Variants in DNM3 observed in about 807,000 individuals in gnomAD.
DNM3 encodes the protein dynamin-3.
In DNM3, 47 loss-of-function variants were observed where a neutral mutation model predicts 101.6. That is an observed-to-expected ratio of 0.46 (90% CI 0.37 to 0.59). DNM3 has a LOEUF of 0.59. Ranked by LOEUF, DNM3 falls within the 20% of genes least tolerant of loss-of-function variation. The pLI, the probability that DNM3 is intolerant of heterozygous loss-of-function variation, is 0.00. For missense variants in DNM3, 849 were observed against 1,085.7 expected, an observed-to-expected ratio of 0.78 and a Z score of 3.06; for synonymous variants, 385 against 387.9, an observed-to-expected ratio of 0.99 and a Z score of 0.09.
intron 1 of DNM3, among the ~76,000 whole-genome samples, chr1:171,845,673 T>C (rs937530646): frequency 2.6e-5 from 4 of 152,252 alleles, no homozygotes; most frequent in Non-Finnish European, 5.9e-5. Flanking sequence ...AGAAGCAACA[T>C]TTATTAAAAG....
chr1:172,399,329 C>A (rs952169441), intron 20 of DNM3, among the ~76,000 whole-genome samples: 3 of 152,170 alleles, frequency 2.0e-5, no homozygotes, highest in Non-Finnish European at 2.9e-5. Context: ...GTTTCAAATT[C>A]TTGAGCCAGT....
intron 15 of DNM3, among the ~76,000 whole-genome samples, chr1:172,272,738 A>G (rs1011296066): frequency 6.6e-6 from 1 of 152,164 alleles, no homozygotes; most frequent in African/African-American, 2.4e-5. Context: ...GGCAGCAACT[A>G]AATATTTAAT....
intron 20 of DNM3, among the ~76,000 whole-genome samples, chr1:172,397,777 T>C (rs1364225628): frequency 2.0e-5 from 3 of 152,150 alleles, no homozygotes; most frequent in Non-Finnish European, 4.4e-5. Flanking sequence ...TATTTTCCTC[T>C]TCTAACTTAG....
At chr1:172,118,982 C>G (rs557232972) in intron 13 of DNM3, among the ~76,000 whole-genome samples, 51 of 151,694 alleles carry the variant, frequency 3.4e-4, no homozygotes, top group Admixed American at 7.9e-4. Flanking sequence ...TGATGTCATA[C>G]TAGTTGTTAA....
chr1:172,391,595 A>G (rs916240528), intron 20 of DNM3, among the ~76,000 whole-genome samples: 3 of 152,170 alleles, frequency 2.0e-5, no homozygotes, highest in African/African-American at 7.2e-5. Flanking sequence ...TGTTTAATAT[A>G]TTCTATTTCC....
At chr1:172,096,972 G>A (rs942362323) in intron 13 of DNM3, among the ~76,000 whole-genome samples, 5 of 152,144 alleles carry the variant, frequency 3.3e-5, no homozygotes, top group African/African-American at 1.2e-4. Flanking sequence ...AATATATTCA[G>A]AGGGTAGAAT....
At chr1:171,907,144 G>A (rs1196989239) in intron 1 of DNM3, among the ~76,000 whole-genome samples, 1 of 152,148 alleles carries the variant, frequency 6.6e-6, no homozygotes, top group Non-Finnish European at 1.5e-5. Context: ...TGTTTTCCCT[G>A]CTTCTCTCTT....
chr1:172,295,035 A>G (rs949798552), intron 15 of DNM3, among the ~76,000 whole-genome samples: 5 of 152,196 alleles, frequency 3.3e-5, no homozygotes, highest in Non-Finnish European at 5.9e-5. Context: ...GACACAGAAA[A>G]GTAGAGATGT....
At chr1:172,231,750 G>A (rs1038892501) in intron 14 of DNM3, among the ~76,000 whole-genome samples, 8 of 152,228 alleles carry the variant, frequency 5.3e-5, no homozygotes, top group Non-Finnish European at 1.2e-4. Context: ...GTCCTTAAAA[G>A]ACTTGATGGA....
intron 17 of DNM3, among the ~76,000 whole-genome samples, chr1:172,372,674 A>ATTTTTT (rs71107346): frequency 1.3e-5 from 1 of 79,006 alleles, no homozygotes; most frequent in African/African-American, 3.9e-5. Context: ...CTTGTAATTA[A>ATTTTTT]TTTTTTTTTT....
Position 172,314,628 on chromosome 1 carries a change from G to A in DNM3, c.1881+5789G>A, listed in dbSNP as rs143024120. Among the ~76,000 whole-genome samples the A allele has an allele frequency of 4.9e-3, 742 of 152,290 alleles. 4 individuals carry two copies. Among genetic ancestry groups the A allele is most frequent in the African/African-American group, 0.017 (696 of 41,544 alleles). On this transcript the variant is annotated intron_variant, in intron 16 of 20. Coordinates refer to ENST00000627582, the MANE Select transcript of DNM3 (RefSeq NM_015569.5). ...GAGGGTCCTACGCCCACGGAGTCTC[G>A]CTGATTGCTAGCACAGCAGTCTGAG...
At chr1:172,375,418 T>C (rs1160658641) in intron 17 of DNM3, among the ~76,000 whole-genome samples, 2 of 152,012 alleles carry the variant, frequency 1.3e-5, no homozygotes, top group Non-Finnish European at 2.9e-5. Context: ...AAATTAGAAG[T>C]GAATGATTGG....
intron 10 of DNM3, among the ~76,000 whole-genome samples, chr1:172,061,613 C>T (rs1163574791): frequency 4.7e-5 from 7 of 149,860 alleles, no homozygotes; most frequent in African/African-American, 1.7e-4. Context: ...AAACCAAACA[C>T]TGCATATTCT....
intron 15 of DNM3, among the ~76,000 whole-genome samples, chr1:172,265,238 A>G (rs569172932): frequency 7.1e-6 from 1 of 140,382 alleles, no homozygotes; most frequent in Non-Finnish European, 1.5e-5. Flanking sequence ...GAATTAATAC[A>G]TTTAACATCC....
chr1:171,896,828 C>T (rs1209824779), intron 1 of DNM3, among the ~76,000 whole-genome samples: 6 of 152,034 alleles, frequency 3.9e-5, no homozygotes, highest in Admixed American at 2.0e-4. Context: ...GATACTAATT[C>T]GAATATATCC....
intron 17 of DNM3, among the ~76,000 whole-genome samples, chr1:172,339,825 T>G (rs1251976894): frequency 6.6e-6 from 1 of 152,232 alleles, no homozygotes; most frequent in Non-Finnish European, 1.5e-5. Flanking sequence ...TCAGTCATGA[T>G]TTCTGTTCTT....
chr1:172,406,412 T>C (rs1220471482), intron 20 of DNM3, among the ~76,000 whole-genome samples: 2 of 151,966 alleles, frequency 1.3e-5, no homozygotes, highest in Admixed American at 6.6e-5. Flanking sequence ...AAGTTAAACA[T>C]ATATGGCCAT....
intron 11 of DNM3, among the ~76,000 whole-genome samples, chr1:172,077,320 G>T (rs1459822324): frequency 6.6e-6 from 1 of 152,046 alleles, no homozygotes; most frequent in Non-Finnish European, 1.5e-5. Flanking sequence ...GTCTCCTTCA[G>T]TTCTGATCTG....
intron 14 of DNM3, among the ~76,000 whole-genome samples, chr1:172,219,210 A>G (rs2060813456): frequency 6.6e-6 from 1 of 151,668 alleles, no homozygotes; most frequent in African/African-American, 2.4e-5. Context: ...AAATAAAAGA[A>G]AACTAGCTGG....
Sources: gnomAD v4.1 joint callset for allele counts (sites outside exome capture counted in the v4.1 genomes callset) on GRCh38, gnomAD v4.1.1 for gene constraint, MANE v1.5 for transcripts, NCBI Gene and HGNC (gene_info 2026-07-23, HGNC 2026-07-21) for gene names.